GTF3C1: variants seen among roughly 807,000 people sequenced by gnomAD.
GTF3C1 encodes general transcription factor 3C polypeptide 1.
A neutral mutation model predicts 226.7 loss-of-function variants in GTF3C1; 57 were observed. The ratio of observed to expected loss-of-function variants is 0.25; its 90% CI spans 0.20 to 0.31. The LOEUF (loss-of-function observed/expected upper bound fraction) is 0.31. Among genes scored for constraint, GTF3C1 ranks in the 10% least tolerant of loss-of-function variants. The probability of loss-of-function intolerance (pLI) is 1.00; values close to 1 mark genes in which losing one functional copy is unlikely to be tolerated. For missense variants in GTF3C1, 2,217 were observed against 2,776.1 expected (o/e 0.80, Z 4.53); for synonymous variants, 1,090 against 1,084.8 (o/e 1.00, Z -0.09).
At chr16:27,549,046 C>T (rs1014462273) in intron 1 of GTF3C1, among the ~76,000 whole-genome samples, 1 of 152,070 alleles carries the variant, frequency 6.6e-6, no homozygotes, top group African/African-American at 2.4e-5. Context: ...CCCAGTTACT[C>T]AGGAGGCTGA....
chr16:27,511,848 C>A lies in GTF3C1; in HGVS notation c.1027G>T (p.Asp343Tyr). Residue 343 changes from aspartate (D) to tyrosine (Y), a missense_variant, in exon 7 of 37, where the codon GAC becomes TAC. Asp to Tyr is a radical substitution (Grantham distance 160). Transcript: ENST00000356183. ...LKLLKEFKRN[D>Y]HDDDEDEEVI... ...TCCTCGTCCTCGTCATCATCATGGT[C>A]ATTCCGTTTAAATTCCTTCAGCAGC... The A allele has an allele frequency of 6.2e-7, 1 of 1,614,156 alleles. No homozygotes were observed.
intron 10 of GTF3C1, 24 bp downstream of exon 10, chr16:27,505,875 C>T: frequency 7.8e-7 from 1 of 1,282,182 alleles, no homozygotes; most frequent in Non-Finnish European, 1.1e-6. Flanking sequence ...TTGGAGACAG[C>T]TCCCTCCCTC....
chr16:27,484,414 ATT>A (rs1240995479), intron 24 of GTF3C1, 61 bp from the exon 25 acceptor site: 2 of 1,229,128 alleles, frequency 1.6e-6, no homozygotes, highest in African/African-American at 3.0e-5. Context: ...ATCATGGGGA[ATT>A]ACCATAAAAA....
At position 27,489,550 on chromosome 16, in the gene GTF3C1, G is replaced by A. The variant is rs370001029; in HGVS notation, c.3293+52C>T. The A allele has an allele frequency of 1.2e-5, 17 of 1,448,390 alleles. No individual in the cohort carries two copies. In the African/African-American group the frequency reaches 2.2e-4, roughly 19 times the overall value. The allele number at this position is 1,448,390 out of a possible 1,614,324, so 89.7% of individuals were successfully genotyped here. A position where few individuals can be genotyped will look rare whatever the true frequency, so the allele number is the denominator to read the frequency against. ...ACAAGGGCGGGCAGGCATCTGAAAT[G>A]AGCACCACCGCAGCCCAGTCCTGGC... is the stretch of plus-strand genomic sequence containing the variant. On this transcript the variant is annotated intron_variant, in intron 20 of 36. Coordinates refer to ENST00000356183, the MANE Select transcript of GTF3C1 (RefSeq NM_001520.4).
At chr16:27,497,579 T>G in intron 14 of GTF3C1, 58 bp downstream of exon 14, 1 of 1,428,856 alleles carries the variant, frequency 7.0e-7, no homozygotes, top group Non-Finnish European at 9.7e-7. Flanking sequence ...GCCTCAAACA[T>G]TGTCATACAA....
chr16:27,539,556 T>C (rs2089052326), intron 2 of GTF3C1, among the ~76,000 whole-genome samples: 1 of 152,176 alleles, frequency 6.6e-6, no homozygotes, highest in Non-Finnish European at 1.5e-5. Flanking sequence ...AGCTGGGAGA[T>C]CCCATAAGGA....
Position 27,482,086 on chromosome 16 carries a change from G to A in GTF3C1, c.4084-895C>T, listed in dbSNP as rs540904382. Among the ~76,000 whole-genome samples the A allele has an allele frequency of 2.4e-3, 369 of 152,254 alleles. 1 individual carries two copies. The highest frequency in any genetic ancestry group is 8.4e-3 in the African/African-American group (350 of 41,528). The stretch of plus-strand genomic sequence containing the variant: ...TGGCCCAGGTCTGCCAGGGGCTCCT[G>A]GGAAAGGCTGTCCCCTGATACAAGG... On this transcript the variant is annotated intron_variant, in intron 26 of 36. Transcript: ENST00000356183.
In GTF3C1 at chr16:27,464,357, G is replaced by A; in HGVS notation, c.5835C>T (p.Gly1945=). Residue 1945 remains glycine (G), a synonymous_variant, in exon 34 of 37, where the codon GGC becomes GGT. Coordinates refer to ENST00000356183, the MANE Select transcript of GTF3C1 (RefSeq NM_001520.4). ...FSSPGQEQLS[G]QAQPPEGSED... is the part of the protein sequence containing the mutation. ...CAGAGCCCTCTGGAGGCTGCGCCTG[G>A]CCGCTCAGCTGCTCTTGGCCTGGGG... The A allele has an allele frequency of 6.4e-7, 1 of 1,550,638 alleles. No individual in the cohort carries two copies. The highest frequency in any genetic ancestry group is 8.7e-7 in the Non-Finnish European group (1 of 1,152,600).
At chr16:27,494,435 C>T (rs191485242) in intron 16 of GTF3C1, among the ~76,000 whole-genome samples, 1 of 150,108 alleles carries the variant, frequency 6.7e-6, no homozygotes. Flanking sequence ...ACAAAAAAAA[C>T]CACGTTTTAT....
In GTF3C1 at chr16:27,469,343, C is replaced by T. The variant is rs200757925; in HGVS notation, c.5022G>A (p.Gln1674=). The change falls in exon 32 of 37, where the codon CAG becomes CAA. Residue 1674 remains glutamine (Q), a synonymous_variant. Transcript: ENST00000356183. The surrounding 1 kb of genome is among the most constrained non-coding windows in gnomAD (Gnocchi z 4.5). The part of the protein sequence containing the change: ...PNDSIVVNSC[Q]MKFQLRCTPV... The stretch of plus-strand genomic sequence containing the variant: ...GGGTGCAGCGGAGCTGGAACTTCAT[C>T]TGGCAGGAGTTGACCACAATGCTGT... The T allele has an allele frequency of 2.5e-6, 4 of 1,597,934 alleles. No homozygotes were observed. The highest frequency in any genetic ancestry group is 4.5e-5 in the East Asian group (2 of 44,386).
intron 16 of GTF3C1, among the ~76,000 whole-genome samples, chr16:27,494,302 G>A (rs2088278914): frequency 6.6e-6 from 1 of 151,558 alleles, no homozygotes; most frequent in Admixed American, 6.6e-5. Flanking sequence ...TTGGGAGGCT[G>A]AGGAAGGAGA....
Position 27,462,661 on chromosome 16 carries a change from G to T in GTF3C1, c.5925-175C>A. 3.4e-6 allele frequency: 2 copies of T among 586,616 alleles called. No homozygotes were observed. The highest frequency in any genetic ancestry group is 6.1e-6 in the Non-Finnish European group (2 of 329,670). The allele number at this position is 586,616 out of a possible 1,614,324, so 36.3% of individuals were successfully genotyped here. On this transcript the variant is annotated intron_variant, in intron 35 of 36. Transcript: ENST00000356183. The surrounding 1 kb of genome is among the most constrained non-coding windows in gnomAD (Gnocchi z 4.5). ...TGCTTCTCTCCTGTCTGGACAGAGG[G>T]GCCCTTGACCGCCAGCTGGGTGGAA...
Position 27,488,638 on chromosome 16 carries a change from G to A in GTF3C1, c.3430-3C>T. 1 of 1,610,232 alleles carries A rather than the reference G, an allele frequency of 6.2e-7. No homozygotes were observed. The highest frequency in any genetic ancestry group is 8.5e-7 in the Non-Finnish European group (1 of 1,177,880). On this transcript the variant is annotated splice_polypyrimidine_tract_variant and splice_region_variant and intron_variant, in intron 21 of 36. Coordinates refer to ENST00000356183, the MANE Select transcript of GTF3C1 (RefSeq NM_001520.4). ...CCATTCTCTGCGGCAGTGTTCTCCT[G>A]TGAGACAAGCACAGCACTGGGATGA...
chr16:27,531,963 T>C (rs1392722422), intron 5 of GTF3C1, among the ~76,000 whole-genome samples: 1 of 151,976 alleles, frequency 6.6e-6, no homozygotes. Context: ...CAAACAGCAG[T>C]GCTCATGGAG....
In GTF3C1 at chr16:27,464,887, C is replaced by T. The variant is rs778470418; in HGVS notation, c.5356-51G>A. ...TCTGTGGGGAGCTCGGGATCCTCCA[C>T]GCTGGTGACGGGGGACGAGTGGAGT... On this transcript the variant is annotated intron_variant, in intron 33 of 36. Coordinates refer to ENST00000356183, the MANE Select transcript of GTF3C1 (RefSeq NM_001520.4). The T allele has an allele frequency of 1.4e-5, 20 of 1,419,992 alleles. No homozygotes were observed. In the South Asian group the frequency reaches 1.7e-4, roughly 12 times the overall value. The allele number at this position is 1,419,992 out of a possible 1,614,324, so 88.0% of individuals were successfully genotyped here. A position where few individuals can be genotyped will look rare whatever the true frequency, so the allele number is the denominator to read the frequency against.
chr16:27,489,063 T>C lies in GTF3C1; in HGVS notation c.3409A>G (p.Ile1137Val), dbSNP rs775869105. 2 of 1,614,094 alleles carry C rather than the reference T, an allele frequency of 1.2e-6. No homozygotes were observed. Among genetic ancestry groups the C allele is most frequent in the African/African-American group, 1.3e-5 (1 of 75,046 alleles). ...CCCACCTTTTTGGCCTGGTTGATGATGTAGCTGGTCCAGATCCAGTTGCGC... is the reference window on the plus strand; with the variant it reads ...CCCACCTTTTTGGCCTGGTTGATGACGTAGCTGGTCCAGATCCAGTTGCGC... ...LKRNWIWTSY[I>V]INQAKKENTA... is the part of the protein sequence containing the mutation. The change falls in exon 21 of 37, where the codon ATC (isoleucine) becomes GTC (valine). Residue 1137 changes from isoleucine (I) to valine (V), a missense_variant. Ile to Val is a conservative substitution (Grantham distance 29). Around this residue, in one of 12 missense-constraint regions of GTF3C1, gnomAD observed 546 missense variants for 663.0 expected, o/e 0.82. Transcript: ENST00000356183.
intron 10 of GTF3C1, among the ~76,000 whole-genome samples, chr16:27,504,841 G>A (rs558437271): frequency 6.6e-6 from 1 of 152,184 alleles, no homozygotes; most frequent in Non-Finnish European, 1.5e-5. Context: ...TGAAGCAGGA[G>A]GATCACTTGA....
At chr16:27,477,029 G>A (rs549671941) in intron 28 of GTF3C1, among the ~76,000 whole-genome samples, 1 of 152,278 alleles carries the variant, frequency 6.6e-6, no homozygotes, top group South Asian at 2.1e-4. Flanking sequence ...AAGGCTAGGG[G>A]GTCAGGAACT....
At chr16:27,495,829 A>C (rs1041945309) in intron 14 of GTF3C1, among the ~76,000 whole-genome samples, 2 of 152,224 alleles carry the variant, frequency 1.3e-5, no homozygotes, top group African/African-American at 4.8e-5. Context: ...GGGCTTGCCT[A>C]CAGGGCAAAT....
Sources: gnomAD v4.1 joint callset for allele counts (sites outside exome capture counted in the v4.1 genomes callset) on GRCh38, gnomAD v4.1.1 for gene constraint, gnomAD v4.1.1 regional missense constraint, Gnocchi (gnomAD v3.1) non-coding constraint, MANE v1.5 for transcripts, NCBI Gene and HGNC (gene_info 2026-07-23, HGNC 2026-07-21) for gene names.